The following TMTC4 variants were observed in gnomAD, a reference collection of about 807,000 sequenced individuals.
The protein encoded by TMTC4 is transmembrane O-mannosyltransferase targeting cadherins 4, also known as protein O-mannosyl-transferase TMTC4.
In TMTC4, 65 loss-of-function variants were observed where a neutral mutation model predicts 86.0. The observed-to-expected ratio is 0.76, with a 90% CI of 0.62 to 0.93. The LOEUF is 0.93. Ranked by LOEUF, TMTC4 falls within the 40% of genes least tolerant of loss-of-function variation. The probability of loss-of-function intolerance (pLI) is 0.00; values close to 1 mark genes in which losing one functional copy is unlikely to be tolerated. For synonymous variants in TMTC4, 379 were observed against 382.5 expected (o/e 0.99, Z 0.11); for missense variants, 866 against 948.1 (o/e 0.91, Z 1.14).
At chr13:100,632,015 CCACACACACACA>C (rs60522457) in intron 12 of TMTC4, among the ~76,000 whole-genome samples, 1 of 99,358 alleles carries the variant, frequency 1.0e-5, no homozygotes, top group African/African-American at 4.2e-5. Context: ...TAAGAGGAAA[CCACACACACACA>C]CACACACACA....
At chr13:100,660,235 G>A (rs894862240) in intron 5 of TMTC4, among the ~76,000 whole-genome samples, 2 of 151,274 alleles carry the variant, frequency 1.3e-5, no homozygotes, top group African/African-American at 2.4e-5. Context: ...GGAGGCAGAG[G>A]TAGGAGAATC....
At position 100,636,715 on chromosome 13, in the gene TMTC4, T is replaced by C. The variant is rs747598810; in HGVS notation, c.1019A>G (p.Tyr340Cys). 2.0e-5 allele frequency: 32 copies of C among 1,614,018 alleles called. No individual in the cohort carries two copies. The African/African-American group carries it at 3.2e-4, about 16-fold the overall frequency. ...MLVRAVNYNY[Y>C]YSLNAWLLLC... ...CAGCAGCCAGGCATTCAATGAATAGTAGTAATTGTAGTTTACGGCCTGCCA... is the reference window on the plus strand; with the variant it reads ...CAGCAGCCAGGCATTCAATGAATAGCAGTAATTGTAGTTTACGGCCTGCCA... Residue 340 changes from tyrosine to cysteine, a missense_variant, in exon 10 of 19, where the codon TAC becomes TGC. Transcript: ENST00000342624.
rs777775507 is a variant in TMTC4 at position 100,663,134 on chromosome 13, C to T, written c.382G>A (p.Val128Met). The T allele has an allele frequency of 1.4e-5, 22 of 1,614,072 alleles. No homozygotes were observed. Among genetic ancestry groups the T allele is most frequent in the Non-Finnish European group, 1.8e-5 (21 of 1,180,042 alleles). ...SGGFHPVGFH[V>M]VNILLHSGIS... is the part of the protein sequence containing the mutation. Reference sequence around the variant, plus strand: ...CCACTGTGCAGGAGGATGTTGACCACGTGAAAGCCCACGGGGTGGAAGCCT... The same window carrying T: ...CCACTGTGCAGGAGGATGTTGACCATGTGAAAGCCCACGGGGTGGAAGCCT... The change falls in exon 5 of 19, where the codon GTG becomes ATG. Residue 128 changes from valine (V) to methionine (M), a missense_variant. Physicochemically the swap from Val to Met is conservative, Grantham distance 21. Transcript: ENST00000342624.
At chr13:100,613,574 C>G (rs1877974632) in intron 16 of TMTC4, among the ~76,000 whole-genome samples, 1 of 152,114 alleles carries the variant, frequency 6.6e-6, no homozygotes, top group African/African-American at 2.4e-5. Context: ...TCATTAGCCC[C>G]AAGGCCATTC....
intron 1 of TMTC4, chr13:100,674,067 C>G: frequency 1.0e-6 from 1 of 985,220 alleles, no homozygotes; most frequent in Non-Finnish European, 1.2e-6. Flanking sequence ...TCAACAAGAC[C>G]AGAAGCCCCG....
chr13:100,609,096 AAG>A (rs1361181650), intron 17 of TMTC4, among the ~76,000 whole-genome samples: 1 of 152,082 alleles, frequency 6.6e-6, no homozygotes, highest in Non-Finnish European at 1.5e-5. Context: ...CTCACACAGG[AAG>A]AGAGTTATTC....
At chr13:100,635,594 G>C (rs1215285702) in intron 10 of TMTC4, 1 of 153,364 alleles carries the variant, frequency 6.5e-6, no homozygotes, top group African/African-American at 2.4e-5. Context: ...GTTTTCACGG[G>C]GAAAAAAAAA....
chr13:100,666,548 C>T (rs1171972436), intron 3 of TMTC4, among the ~76,000 whole-genome samples: 1 of 152,202 alleles, frequency 6.6e-6, no homozygotes, highest in African/African-American at 2.4e-5. Context: ...CCTGGCTGAC[C>T]AACATTTTTC....
Position 100,604,729 on chromosome 13 carries a change from T to G in TMTC4, c.*265A>C, listed in dbSNP as rs1166237382. On this transcript the variant is annotated 3_prime_UTR_variant, in exon 19 of 19. Coordinates refer to ENST00000342624, the MANE Select transcript of TMTC4 (RefSeq NM_032813.5). ...TTGCTCAAGATAATTTTTTCTCTTT[T>G]TCTGTTTAATTAAAAAAGACATTTT... The G allele has an allele frequency of 3.4e-6, 1 of 295,966 alleles. No individual in the cohort carries two copies. Among genetic ancestry groups the G allele is most frequent in the Admixed American group, 5.1e-5 (1 of 19,718 alleles). The allele number at this position is 295,966 out of a possible 1,614,324, so 18.3% of individuals were successfully genotyped here. A position where few individuals can be genotyped will look rare whatever the true frequency, so the allele number is the denominator to read the frequency against.
intron 15 of TMTC4, among the ~76,000 whole-genome samples, chr13:100,619,184 C>G (rs1879076859): frequency 6.8e-6 from 1 of 147,380 alleles, no homozygotes; most frequent in African/African-American, 2.5e-5. Flanking sequence ...CCCCCCACCT[C>G]CCTCCTGGAT....
intron 6 of TMTC4, among the ~76,000 whole-genome samples, chr13:100,646,500 TTGAG>T (rs1388060149): frequency 6.6e-6 from 1 of 152,226 alleles, no homozygotes; most frequent in Non-Finnish European, 1.5e-5. Context: ...TGGCCTCGAC[TTGAG>T]TAACTTCACT....
At chr13:100,665,424 T>C (rs961727158) in intron 3 of TMTC4, among the ~76,000 whole-genome samples, 21 of 152,226 alleles carry the variant, frequency 1.4e-4, no homozygotes, top group African/African-American at 4.8e-5. Context: ...AAAAAGGGAA[T>C]TCTTCAAAGG....
intron 17 of TMTC4, among the ~76,000 whole-genome samples, chr13:100,606,813 TAGC>T (rs1476642569): frequency 6.6e-6 from 1 of 152,034 alleles, no homozygotes; most frequent in African/African-American, 2.4e-5. Context: ...GCTCTTGGGG[TAGC>T]AGTTGAGGCC....
At chr13:100,665,128 C>T (rs1189297276) in intron 3 of TMTC4, among the ~76,000 whole-genome samples, 1 of 152,074 alleles carries the variant, frequency 6.6e-6, no homozygotes, top group Non-Finnish European at 1.5e-5. Flanking sequence ...AAACACTGTA[C>T]CGCTCTTACT....
intron 6 of TMTC4, among the ~76,000 whole-genome samples, chr13:100,643,611 A>G (rs1883324476): frequency 6.6e-6 from 1 of 152,234 alleles, no homozygotes; most frequent in South Asian, 2.1e-4. Flanking sequence ...GAGGAGGGAG[A>G]AAGTCTTACT....
intron 6 of TMTC4, among the ~76,000 whole-genome samples, chr13:100,651,863 G>C (rs1884489195): frequency 6.6e-6 from 1 of 152,088 alleles, no homozygotes; most frequent in Admixed American, 6.6e-5. Context: ...ACATTAAATA[G>C]CATTACTATT....
chr13:100,659,472 G>C (rs1229337760), intron 5 of TMTC4, among the ~76,000 whole-genome samples: 1 of 152,084 alleles, frequency 6.6e-6, no homozygotes, highest in Non-Finnish European at 1.5e-5. Flanking sequence ...TTCTCTCCTT[G>C]ATGTTGGAAT....
At position 100,663,196 on chromosome 13, in the gene TMTC4, G is replaced by C. The variant is rs1426560833; in HGVS notation, c.336-16C>G. The C allele has an allele frequency of 1.2e-6, 2 of 1,613,276 alleles. No individual in the cohort carries two copies. Among genetic ancestry groups the C allele is most frequent in the Non-Finnish European group, 1.7e-6 (2 of 1,179,252 alleles). ...GTAGTTAATCCTGCAGAAACACAGG[G>C]TGTTCAGGGTACACGCGCAGCGGCA... On this transcript the variant is annotated splice_polypyrimidine_tract_variant and intron_variant, in intron 4 of 18. Coordinates refer to ENST00000342624, the MANE Select transcript of TMTC4 (RefSeq NM_032813.5).
At chr13:100,672,846 C>T (rs1487509230) in intron 1 of TMTC4, among the ~76,000 whole-genome samples, 1 of 152,144 alleles carries the variant, frequency 6.6e-6, no homozygotes, top group African/African-American at 2.4e-5. Context: ...CTGTTTTCTT[C>T]CAGATGGGCC....
Sources: gnomAD v4.1 joint callset for allele counts (sites outside exome capture counted in the v4.1 genomes callset) on GRCh38, gnomAD v4.1.1 for gene constraint, MANE v1.5 for transcripts, NCBI Gene and HGNC (gene_info 2026-07-23, HGNC 2026-07-21) for gene names.